The following GIGYF1 variants were observed in gnomAD, a reference collection of about 807,000 sequenced individuals.
GIGYF1 encodes the protein GRB10 interacting GYF protein 1.
Under a neutral mutation model 147.1 loss-of-function variants are expected in GIGYF1, and 84 were observed. The observed-to-expected ratio is 0.57, with a 90% CI of 0.48 to 0.68. The LOEUF (loss-of-function observed/expected upper bound fraction) is 0.68. GIGYF1 is among the 30% of genes least tolerant of loss of function. The pLI is 0.00. For missense variants in GIGYF1, 1,485 were observed against 1,393.7 expected, an observed-to-expected ratio of 1.07 and a Z score of -1.04; for synonymous variants, 752 against 589.5, an observed-to-expected ratio of 1.28 and a Z score of -3.99.
In GIGYF1 at chr7:100,682,655, G is replaced by A. The variant is rs1584490351; in HGVS notation, c.2535C>T (p.Pro845=). ...CACGGACCAGGCTCCCGCCGCTCTTGGGGGTGTCCTCCCAGAGCCCCAGGC... is the reference window on the plus strand; with the variant it reads ...CACGGACCAGGCTCCCGCCGCTCTTAGGGGTGTCCTCCCAGAGCCCCAGGC... ...SSGLGLWEDT[P]KSGGSLVRGL... Residue 845 remains proline (P), a synonymous_variant, in exon 23 of 27, where the codon CCC becomes CCT. Coordinates refer to ENST00000678049, the MANE Select transcript of GIGYF1 (RefSeq NM_001375765.1). The A allele has an allele frequency of 6.2e-7, 1 of 1,604,688 alleles. No individual in the cohort carries two copies. Among genetic ancestry groups the A allele is most frequent in the East Asian group, 2.2e-5 (1 of 44,810 alleles).
chr7:100,686,672 T>TCGCCGTCTCGC lies in GIGYF1; in HGVS notation c.660_670dup (p.Asp224GlyfsTer125). Reference sequence around the variant, plus strand: ...ACCAGGGCTGGCGGAGCGCCAGCGGTCGCCGTCTCGCCGGGGCCCTGCTCC... The same window carrying TCGCCGTCTCGC: ...ACCAGGGCTGGCGGAGCGCCAGCGGTCGCCGTCTCGCCGCCGTCTCGCCGGGGCCCTGCTCC... On this transcript the variant is annotated frameshift_variant, in exon 10 of 27. Transcript: ENST00000678049. LOFTEE classifies it high-confidence loss of function. 1 of 1,612,316 alleles carries TCGCCGTCTCGC rather than the reference T, an allele frequency of 6.2e-7. No homozygotes were observed. Among genetic ancestry groups the TCGCCGTCTCGC allele is most frequent in the Non-Finnish European group, 8.5e-7 (1 of 1,179,618 alleles).
intron 23 of GIGYF1, 34 bp downstream of exon 23, chr7:100,682,555 AG>A: frequency 6.3e-7 from 1 of 1,593,402 alleles, no homozygotes; most frequent in African/African-American, 1.3e-5. Context: ...CTTCCCCCTC[AG>A]GGCCATCCCG....
chr7:100,684,945 C>A, intron 14 of GIGYF1, 51 bp from the exon 15 acceptor site: 1 of 1,593,952 alleles, frequency 6.3e-7, no homozygotes. Flanking sequence ...TCAGCAACAT[C>A]AGGATGGGGA....
At chr7:100,685,252 G>A in intron 13 of GIGYF1, 92 bp downstream of exon 13, 1 of 1,532,514 alleles carries the variant, frequency 6.5e-7, no homozygotes, top group South Asian at 1.2e-5. Context: ...GCTCCTCAAT[G>A]TGAATGCCCT....
chr7:100,686,214 G>A lies in GIGYF1; in HGVS notation c.914C>T (p.Thr305Ile). 6.2e-7 allele frequency: 1 copy of A among 1,613,582 alleles called. No homozygotes were observed. The change falls in exon 11 of 27, where the codon ACC (threonine) becomes ATC (isoleucine). Residue 305 changes from threonine (T) to isoleucine (I), a missense_variant. Coordinates refer to ENST00000678049, the MANE Select transcript of GIGYF1 (RefSeq NM_001375765.1). ...CAAGAAGGCCCCAGAGGCATCAAAGGTGCCCATTTCTTCATCCTCATCGTC... is the reference window on the plus strand; with the variant it reads ...CAAGAAGGCCCCAGAGGCATCAAAGATGCCCATTTCTTCATCCTCATCGTC... ...CLDDEDEEMG[T>I]FDASGAFLPL...
At position 100,679,705 on chromosome 7, in the gene GIGYF1, G is replaced by C. The variant is rs1369847625; in HGVS notation, c.*2014C>G. 1 of 152,786 alleles carries C rather than the reference G, an allele frequency of 6.5e-6. No homozygotes were observed. The highest frequency in any genetic ancestry group is 1.5e-5 in the Non-Finnish European group (1 of 68,252). The allele number at this position is 152,786 out of a possible 1,614,324, so 9.5% of individuals were successfully genotyped here. ...AGGGCCCAGGAAGACCGGGGCCGGGGAAGGACAGCAACAGGGTCTGAGTCC... is the reference window on the plus strand; with the variant it reads ...AGGGCCCAGGAAGACCGGGGCCGGGCAAGGACAGCAACAGGGTCTGAGTCC... On this transcript the variant is annotated 3_prime_UTR_variant, in exon 27 of 27. Coordinates refer to ENST00000678049, the MANE Select transcript of GIGYF1 (RefSeq NM_001375765.1).
chr7:100,681,636 G>GGGGAGCCTGCA lies in GIGYF1; in HGVS notation c.*72_*82dup. ...CCCTGCCTCTTCCTGTGCTCTCTGC[G>GGGGAGCCTGCA]GGGAGCCTGCAGGCTGGGACCCTCG... On this transcript the variant is annotated 3_prime_UTR_variant, in exon 27 of 27. Coordinates refer to ENST00000678049, the MANE Select transcript of GIGYF1 (RefSeq NM_001375765.1). The GGGGAGCCTGCA allele has an allele frequency of 7.5e-7, 1 of 1,336,950 alleles. No individual in the cohort carries two copies. The allele number at this position is 1,336,950 out of a possible 1,614,324, so 82.8% of individuals were successfully genotyped here. A position where few individuals can be genotyped will look rare whatever the true frequency, so the allele number is the denominator to read the frequency against.
In GIGYF1 at chr7:100,686,171, CACAGAT is replaced by C; in HGVS notation, c.948+3_948+8del. ...GGGCAGGTTCCCACCCTCGCCTCCTCACAGATACCTTGAGAGGCAAGAAGGCCCCAG... is the reference window on the plus strand; with the variant it reads ...GGGCAGGTTCCCACCCTCGCCTCCTCACCTTGAGAGGCAAGAAGGCCCCAG... On this transcript the variant is annotated splice_donor_5th_base_variant and intron_variant, in intron 11 of 26. Transcript: ENST00000678049. The C allele has an allele frequency of 6.2e-7, 1 of 1,605,504 alleles. No individual in the cohort carries two copies.
rs1562877341 is a variant in GIGYF1, at chr7:100,685,399, CCA to C, written c.1135_1136del (p.Trp379GlyfsTer20). On this transcript the variant is annotated frameshift_variant, in exon 13 of 27. Transcript: ENST00000678049. LOFTEE classifies it high-confidence loss of function. ...PSPLPTLGPL[W>X]GTNGDGDETA... ...TTTCGTCCCCATCCCCGTTTGTCCC[CCA>C]GAGTGGGCCCAGGGTGGGCAGTGGG... is the stretch of plus-strand genomic sequence containing the variant. 1 of 1,591,046 alleles carries C rather than the reference CCA, an allele frequency of 6.3e-7. No individual in the cohort carries two copies.
At chr7:100,692,116 G>C (rs1048798130) in intron 1 of GIGYF1, among the ~76,000 whole-genome samples, 1 of 152,216 alleles carries the variant, frequency 6.6e-6, no homozygotes, top group African/African-American at 2.4e-5. Flanking sequence ...CCAGCCCCAG[G>C]CCTGCTGGAG....
In GIGYF1 at chr7:100,686,010, G is replaced by C. The variant is rs1199797956; in HGVS notation, c.1018C>G (p.Pro340Ala). The C allele has an allele frequency of 6.2e-7, 1 of 1,612,564 alleles. No individual in the cohort carries two copies. Among genetic ancestry groups the C allele is most frequent in the Admixed American group, 1.7e-5 (1 of 59,968 alleles). ...DFQGLEEEEEPSEGLEEEGPE... is the reference protein window; with the variant it reads ...DFQGLEEEEEASEGLEEEGPE... ...CCTTCCTCCTCTAGCCCTTCGGAAG[G>C]TTCCTCCTCCTCCTCCAACCCTTGG... Residue 340 changes from proline to alanine, a missense_variant, in exon 12 of 27, where the codon CCT (proline) becomes GCT (alanine). Physicochemically the swap from Pro to Ala is conservative, Grantham distance 27 (BLOSUM62 -1). Transcript: ENST00000678049.
At position 100,681,407 on chromosome 7, in the gene GIGYF1, G is replaced by T; in HGVS notation, c.*312C>A. 3.9e-6 allele frequency: 1 copy of T among 259,022 alleles called. No individual in the cohort carries two copies. The highest frequency in any genetic ancestry group is 7.0e-6 in the Non-Finnish European group (1 of 142,714). The allele number at this position is 259,022 out of a possible 1,614,324, so 16.0% of individuals were successfully genotyped here. A position where few individuals can be genotyped will look rare whatever the true frequency, so the allele number is the denominator to read the frequency against. The stretch of plus-strand genomic sequence containing the variant: ...CAAAAACCTCTGTGGACCTTCCATT[G>T]TCACACCCACTATCCTCACAGCAGG... On this transcript the variant is annotated 3_prime_UTR_variant, in exon 27 of 27. Transcript: ENST00000678049.
intron 12 of GIGYF1, 109 bp from the exon 13 acceptor site, chr7:100,685,590 G>A (rs936980280): frequency 2.3e-5 from 28 of 1,232,072 alleles, no homozygotes; most frequent in East Asian, 2.2e-4. Flanking sequence ...CCCTTAGGCC[G>A]AGTCCACCAC....
At chr7:100,683,767 C>G (rs769722001) in intron 19 of GIGYF1, 51 bp downstream of exon 19, 30 of 1,571,310 alleles carry the variant, frequency 1.9e-5, no homozygotes, top group Non-Finnish European at 2.6e-5. Context: ...ACCCCAGACC[C>G]CATTTCACCC....
intron 8 of GIGYF1, 74 bp from the exon 9 acceptor site, chr7:100,687,120 T>C (rs890595503): frequency 1.9e-6 from 3 of 1,585,656 alleles, no homozygotes; most frequent in African/African-American, 1.3e-5. Context: ...CCCCATGCCT[T>C]GTCCACTGTG....
Position 100,688,275 on chromosome 7 carries a change from GAGGA to G in GIGYF1, c.-41_-38del. 1 of 1,249,084 alleles carries G rather than the reference GAGGA, an allele frequency of 8.0e-7. No individual in the cohort carries two copies. The highest frequency in any genetic ancestry group is 1.2e-6 in the Non-Finnish European group (1 of 855,550). 77.4% of individuals were successfully genotyped at this position (1,249,084 alleles called of 1,614,324 possible). On this transcript the variant is annotated 5_prime_UTR_variant, in exon 4 of 27. Transcript: ENST00000678049. ...GCGTGTTTGAGAGGCCGGGGGTGGG[GAGGA>G]GGGGACCTGGCGTTCACTGTCCAAA...
chr7:100,682,839 G>A (rs1004202754), intron 22 of GIGYF1, 62 bp from the exon 23 acceptor site: 7 of 1,467,452 alleles, frequency 4.8e-6, no homozygotes, highest in African/African-American at 2.8e-5. Context: ...CGGATGGGGA[G>A]GCTTGTTTAG....
rs1188712785 is a variant in GIGYF1 at position 100,682,584 on chromosome 7, G to A, written c.2600+6C>T. The A allele has an allele frequency of 2.5e-6, 4 of 1,592,762 alleles. No individual in the cohort carries two copies. Among genetic ancestry groups the A allele is most frequent in the Admixed American group, 1.7e-5 (1 of 58,598 alleles). On this transcript the variant is annotated splice_donor_region_variant and intron_variant, in intron 23 of 26. Transcript: ENST00000678049. ...CCATCCCGGAGCCTCCAGGTGCCAC[G>A]CCCACCTGAGAGATGGGCTGCTCCG...
At position 100,686,834 on chromosome 7, in the gene GIGYF1, G is replaced by A. The variant is rs1301730753; in HGVS notation, c.524-15C>T. The A allele has an allele frequency of 1.2e-6, 2 of 1,613,174 alleles. No individual in the cohort carries two copies. Among genetic ancestry groups the A allele is most frequent in the Admixed American group, 1.7e-5 (1 of 59,980 alleles). ...GCCACATCGTGCTGGGAGACGGGAA[G>A]ACAGGGGCAGTTATTAGAAAGGCAG... On this transcript the variant is annotated splice_polypyrimidine_tract_variant and intron_variant, in intron 9 of 26. Coordinates refer to ENST00000678049, the MANE Select transcript of GIGYF1 (RefSeq NM_001375765.1).
Sources: gnomAD v4.1 joint callset for allele counts (sites outside exome capture counted in the v4.1 genomes callset) on GRCh38, gnomAD v4.1.1 for gene constraint, MANE v1.5 for transcripts, NCBI Gene and HGNC (gene_info 2026-07-23, HGNC 2026-07-21) for gene names.